GALNTL6: variants seen among roughly 807,000 people sequenced by gnomAD.
GALNTL6 encodes the protein polypeptide N-acetylgalactosaminyltransferase-like 6.
GALNTL6 carries 46 observed loss-of-function variants against 73.7 expected under a neutral mutation model. The observed-to-expected ratio is 0.62, with a 90% CI of 0.49 to 0.80. GALNTL6 has a LOEUF of 0.80. GALNTL6 is among the 30% of genes least tolerant of loss of function. GALNTL6 has a pLI of 0.00. For missense variants in GALNTL6, 604 were observed against 755.0 expected (o/e 0.80, Z 2.34); for synonymous variants, 259 against 263.7 (o/e 0.98, Z 0.17).
At chr4:171,885,936 A>C (rs947852668) in intron 2 of GALNTL6, among the ~76,000 whole-genome samples, 5 of 152,198 alleles carry the variant, frequency 3.3e-5, no homozygotes, top group African/African-American at 1.2e-4. Context: ...ATATTGTAGA[A>C]ACCAAATTCA....
intron 5 of GALNTL6, among the ~76,000 whole-genome samples, chr4:172,612,821 C>G (rs746526126): frequency 6.6e-6 from 1 of 152,060 alleles, no homozygotes; most frequent in Non-Finnish European, 1.5e-5. Flanking sequence ...TCAGTGCTTT[C>G]AAATATTGTT....
At chr4:171,909,986 G>T (rs1737425296) in intron 2 of GALNTL6, among the ~76,000 whole-genome samples, 3 of 152,190 alleles carry the variant, frequency 2.0e-5, no homozygotes, top group Middle Eastern at 6.8e-3. Context: ...AACAATAATT[G>T]TGAAGATTTT....
At chr4:172,485,457 A>G (rs552765039) in intron 5 of GALNTL6, among the ~76,000 whole-genome samples, 1 of 152,234 alleles carries the variant, frequency 6.6e-6, no homozygotes, top group Non-Finnish European at 1.5e-5. Flanking sequence ...TGTATGTTTT[A>G]TATATGTTTT....
intron 10 of GALNTL6, among the ~76,000 whole-genome samples, chr4:173,007,082 T>C (rs990672403): frequency 9.2e-5 from 14 of 152,144 alleles, no homozygotes; most frequent in African/African-American, 3.1e-4. Context: ...CCCCAACCTC[T>C]ACTCCTAGAA....
intron 5 of GALNTL6, among the ~76,000 whole-genome samples, chr4:172,653,435 G>A (rs1044293594): frequency 2.8e-4 from 42 of 151,962 alleles, no homozygotes; most frequent in Non-Finnish European, 5.1e-4. Context: ...TAGCCAGGCT[G>A]GTCTTGAACT....
intron 2 of GALNTL6, among the ~76,000 whole-genome samples, chr4:172,066,103 C>A (rs1245927255): frequency 6.6e-6 from 1 of 152,150 alleles, no homozygotes; most frequent in Non-Finnish European, 1.5e-5. Context: ...ATCATTATCA[C>A]CCAAAGTCCA....
chr4:172,064,642 T>C (rs1221407236), intron 2 of GALNTL6, among the ~76,000 whole-genome samples: 2 of 152,192 alleles, frequency 1.3e-5, no homozygotes, highest in Non-Finnish European at 2.9e-5. Context: ...GGCAGGTGGA[T>C]ATGGGATTGC....
chr4:171,947,934 A>C (rs567627191), intron 2 of GALNTL6, among the ~76,000 whole-genome samples: 1 of 152,316 alleles, frequency 6.6e-6, no homozygotes, highest in East Asian at 1.9e-4. Context: ...GGAGGGTTCT[A>C]ATAACTGACT....
intron 2 of GALNTL6, among the ~76,000 whole-genome samples, chr4:171,972,699 G>T (rs947363963): frequency 7.2e-5 from 11 of 151,976 alleles, no homozygotes; most frequent in South Asian, 2.1e-4. Flanking sequence ...TGAGTTTATA[G>T]AATTAACTTT....
At chr4:172,192,651 T>C (rs1459038154) in intron 2 of GALNTL6, among the ~76,000 whole-genome samples, 2 of 152,256 alleles carry the variant, frequency 1.3e-5, no homozygotes, top group African/African-American at 4.8e-5. Context: ...ACCATACTGT[T>C]TTCATGGATC....
intron 2 of GALNTL6, among the ~76,000 whole-genome samples, chr4:172,053,034 A>G (rs188347673): frequency 2.6e-5 from 4 of 152,332 alleles, no homozygotes; most frequent in Admixed American, 2.0e-4. Context: ...ATGTAAAATA[A>G]TATTCAAGAC....
intron 2 of GALNTL6, among the ~76,000 whole-genome samples, chr4:172,211,115 G>A (rs534969230): frequency 4.6e-5 from 7 of 152,094 alleles, no homozygotes; most frequent in African/African-American, 7.2e-5. Context: ...TTATTTATTC[G>A]TTTCTTGAGC....
At chr4:172,391,899 G>A (rs4453902) in intron 5 of GALNTL6, among the ~76,000 whole-genome samples, 145,848 of 152,254 alleles carry the variant, frequency 0.96, 70,144 homozygotes, top group East Asian at 1. Context: ...TCCTTTTCCA[G>A]CTGATTTCCA....
intron 5 of GALNTL6, among the ~76,000 whole-genome samples, chr4:172,534,863 G>A (rs1735290744): frequency 6.6e-6 from 1 of 152,176 alleles, no homozygotes; most frequent in African/African-American, 2.4e-5. Flanking sequence ...ACCGTGCCTG[G>A]CCTCTAAATG....
At chr4:173,005,812 C>T (rs1312623319) in intron 10 of GALNTL6, among the ~76,000 whole-genome samples, 1 of 152,192 alleles carries the variant, frequency 6.6e-6, no homozygotes, top group African/African-American at 2.4e-5. Flanking sequence ...CTGGAATTTA[C>T]ACAGATGTAG....
Position 172,831,157 on chromosome 4 carries a change from C to CAAAAAAAAA in GALNTL6, c.923+17459_923+17467dup, listed in dbSNP as rs60870698. 3.1e-3 allele frequency among the ~76,000 whole-genome samples: 195 copies of CAAAAAAAAA among 63,888 alleles called. 4 individuals carry two copies. The highest frequency in any genetic ancestry group is 0.012 in the Middle Eastern group (1 of 84). 41.9% of individuals were successfully genotyped at this position (63,888 alleles called of 152,430 possible). A position where few individuals can be genotyped will look rare whatever the true frequency, so the allele number is the denominator to read the frequency against. On this transcript the variant is annotated intron_variant, in intron 7 of 12. Transcript: ENST00000506823. ...TGGGTGACAGAATGAGACTCCCTCT[C>CAAAAAAAAA]AAAAAAAAAAAAAAAAAAAAAAAAA...
chr4:172,576,872 GTCAA>G (rs1190332296), intron 5 of GALNTL6, among the ~76,000 whole-genome samples: 4 of 152,202 alleles, frequency 2.6e-5, no homozygotes, highest in Admixed American at 6.5e-5. Flanking sequence ...GTGGTTGGTT[GTCAA>G]TACGGGTTGT....
intron 2 of GALNTL6, among the ~76,000 whole-genome samples, chr4:172,189,185 G>A (rs1735499574): frequency 6.6e-6 from 1 of 152,112 alleles, no homozygotes. Flanking sequence ...TTTTATGAAT[G>A]CCTTAGAGAT....
At chr4:171,900,382 A>C (rs780917384) in intron 2 of GALNTL6, among the ~76,000 whole-genome samples, 23 of 152,166 alleles carry the variant, frequency 1.5e-4, no homozygotes, top group Non-Finnish European at 2.8e-4. Flanking sequence ...AGCTCGGCTC[A>C]CTACAACCTC....
Sources: allele counts gnomAD v4.1 joint callset (sites outside exome capture counted in the v4.1 genomes callset), GRCh38; gene constraint gnomAD v4.1.1; transcripts MANE v1.5; gene names NCBI Gene and HGNC (gene_info 2026-07-23, HGNC 2026-07-21).